ANKRD44: variants seen among roughly 807,000 people sequenced by gnomAD.
ANKRD44 encodes the protein serine/threonine-protein phosphatase 6 regulatory ankyrin repeat subunit B.
Under a neutral mutation model 116.0 loss-of-function variants are expected in ANKRD44, and 35 were observed. That is an observed-to-expected ratio of 0.30 (90% CI 0.23 to 0.40). The LOEUF is 0.40. Among genes scored for constraint, ANKRD44 ranks in the 10% least tolerant of loss-of-function variants. ANKRD44 has a pLI of 1.00. For synonymous variants in ANKRD44, 435 were observed against 461.8 expected, an observed-to-expected ratio of 0.94 and a Z score of 0.74; for missense variants, 1,014 against 1,242.6, an observed-to-expected ratio of 0.82 and a Z score of 2.77.
At chr2:197,195,047 C>T (rs1331773097) in intron 1 of ANKRD44, among the ~76,000 whole-genome samples, 1 of 152,182 alleles carries the variant, frequency 6.6e-6, no homozygotes, top group Non-Finnish European at 1.5e-5. Flanking sequence ...AATCATATAG[C>T]TCATTACCAC....
intron 16 of ANKRD44, among the ~76,000 whole-genome samples, chr2:197,058,604 T>C (rs879346792): frequency 6.6e-6 from 1 of 152,206 alleles, no homozygotes; most frequent in Non-Finnish European, 1.5e-5. Context: ...GAATGGTATC[T>C]ATAAGAGCTT....
intron 2 of ANKRD44, among the ~76,000 whole-genome samples, chr2:197,148,374 T>C (rs528468950): frequency 1.1e-4 from 16 of 152,318 alleles, no homozygotes; most frequent in African/African-American, 3.6e-4. Flanking sequence ...TAACTTCTAT[T>C]GACTCCTCCA....
chr2:197,113,435 G>C (rs1002441654), intron 8 of ANKRD44, among the ~76,000 whole-genome samples: 3 of 152,180 alleles, frequency 2.0e-5, no homozygotes, highest in Non-Finnish European at 2.9e-5. Context: ...TTTTGCTCCA[G>C]TGTTTTCTCT....
chr2:197,223,954 T>C (rs994584460), intron 1 of ANKRD44, among the ~76,000 whole-genome samples: 1 of 151,022 alleles, frequency 6.6e-6, no homozygotes, highest in Middle Eastern at 3.4e-3. Flanking sequence ...TCCACGAAGG[T>C]ATAAACAAAC....
intron 1 of ANKRD44, among the ~76,000 whole-genome samples, chr2:197,189,144 G>T (rs549324388): frequency 6.6e-6 from 1 of 152,250 alleles, no homozygotes; most frequent in Admixed American, 6.5e-5. Context: ...ACCAATATAA[G>T]TACTATCAGT....
intron 16 of ANKRD44, among the ~76,000 whole-genome samples, chr2:197,058,738 T>A (rs2077252195): frequency 6.6e-6 from 1 of 152,218 alleles, no homozygotes; most frequent in Non-Finnish European, 1.5e-5. Context: ...CTCCTGCCCA[T>A]TATCCACATT....
At chr2:197,165,334 C>G (rs2080079428) in intron 2 of ANKRD44, among the ~76,000 whole-genome samples, 1 of 152,188 alleles carries the variant, frequency 6.6e-6, no homozygotes, top group Admixed American at 6.5e-5. Context: ...ATGGAACGTG[C>G]CAGACTCCGT....
intron 1 of ANKRD44, among the ~76,000 whole-genome samples, chr2:197,258,683 T>A (rs2082519414): frequency 6.6e-6 from 1 of 152,212 alleles, no homozygotes; most frequent in South Asian, 2.1e-4. Flanking sequence ...TCATGGCAGC[T>A]GCACCATTTT....
intron 1 of ANKRD44, among the ~76,000 whole-genome samples, chr2:197,279,526 T>C (rs2083203421): frequency 6.6e-6 from 1 of 152,118 alleles, no homozygotes; most frequent in African/African-American, 2.4e-5. Context: ...TTCTCTCCCA[T>C]CCAATCTCCC....
At chr2:197,068,387 T>TAA (rs768350471) in intron 16 of ANKRD44, among the ~76,000 whole-genome samples, 3 of 66,908 alleles carry the variant, frequency 4.5e-5, no homozygotes, top group East Asian at 6.0e-4. Flanking sequence ...AAGAAAAAAA[T>TAA]AAAAAAAAAA....
intron 1 of ANKRD44, among the ~76,000 whole-genome samples, chr2:197,306,527 A>G (rs934131667): frequency 6.6e-6 from 1 of 152,176 alleles, no homozygotes; most frequent in Non-Finnish European, 1.5e-5. Context: ...TCTCAAAACC[A>G]TGTGATTGGG....
intron 1 of ANKRD44, among the ~76,000 whole-genome samples, chr2:197,269,564 AAGG>A (rs1346328490): frequency 6.6e-6 from 1 of 152,158 alleles, no homozygotes; most frequent in East Asian, 1.9e-4. Context: ...GCAGGGGAAG[AAGG>A]AGAAGATAGA....
intron 17 of ANKRD44, among the ~76,000 whole-genome samples, chr2:197,022,497 C>T (rs1462232966): frequency 1.3e-5 from 2 of 152,174 alleles, no homozygotes; most frequent in Non-Finnish European, 2.9e-5. Flanking sequence ...CCCCCAAACT[C>T]CTGGCTCCCT....
At chr2:197,261,163 C>A (rs1257213003) in intron 1 of ANKRD44, among the ~76,000 whole-genome samples, 1 of 151,192 alleles carries the variant, frequency 6.6e-6, no homozygotes, top group African/African-American at 2.4e-5. Context: ...ATGCCTATGT[C>A]CTGAATGGTA....
intron 1 of ANKRD44, among the ~76,000 whole-genome samples, chr2:197,217,812 T>C (rs1160539730): frequency 6.6e-6 from 1 of 152,232 alleles, no homozygotes; most frequent in Admixed American, 6.5e-5. Context: ...TATGTATTTT[T>C]GTAGGTTCTT....
intron 3 of ANKRD44, among the ~76,000 whole-genome samples, chr2:197,143,094 T>G (rs905762413): frequency 6.6e-6 from 1 of 150,632 alleles, no homozygotes; most frequent in African/African-American, 2.4e-5. Flanking sequence ...AGTTTTCTTC[T>G]TTCAACCCAG....
intron 1 of ANKRD44, among the ~76,000 whole-genome samples, chr2:197,267,800 G>A (rs4850777): frequency 0.33 from 50,030 of 152,060 alleles, 10,183 homozygotes; most frequent in East Asian, 0.63. Context: ...ACTGTCCAAG[G>A]GAAGAAGCCA....
intron 4 of ANKRD44, 69 bp from the exon 5 acceptor site, chr2:197,126,106 C>T: frequency 6.7e-7 from 1 of 1,499,136 alleles, no homozygotes; most frequent in Non-Finnish European, 9.2e-7. Flanking sequence ...GTGTAAGATG[C>T]TTCACCAAAC....
At chr2:197,252,347 G>A (rs1469596950) in intron 1 of ANKRD44, among the ~76,000 whole-genome samples, 2 of 97,014 alleles carry the variant, frequency 2.1e-5, no homozygotes, top group African/African-American at 3.9e-5. Context: ...GCCCCGCCCC[G>A]CCAAAGGTCT....
Sources: gnomAD v4.1 joint callset for allele counts (sites outside exome capture counted in the v4.1 genomes callset) on GRCh38, gnomAD v4.1.1 for gene constraint, MANE v1.5 for transcripts, NCBI Gene and HGNC (gene_info 2026-07-23, HGNC 2026-07-21) for gene names.